Variants in ABTB2 observed in about 807,000 individuals in gnomAD.
ABTB2 encodes the protein ankyrin repeat and BTB/POZ domain-containing protein 2.
ABTB2 carries 56 observed loss-of-function variants against 104.1 expected under a neutral mutation model. The ratio of observed to expected loss-of-function variants is 0.54; its 90% CI spans 0.43 to 0.67. ABTB2 has a LOEUF of 0.67. Ranked by LOEUF, ABTB2 falls within the 30% of genes least tolerant of loss-of-function variation. The pLI is 0.00. For synonymous variants in ABTB2, 606 were observed against 608.2 expected, an observed-to-expected ratio of 1.00 and a Z score of 0.05; for missense variants, 1,279 against 1,407.7, an observed-to-expected ratio of 0.91 and a Z score of 1.46.
In ABTB2 at chr11:34,285,043, T is replaced by C. The variant is rs372063532; in HGVS notation, c.883+71658A>G. ...GTGCTGGAGATCTGGTCACGGTCAG[T>C]TGGACAATCTGATAAAGCCTTCCTG... is the stretch of plus-strand genomic sequence containing the variant. On this transcript the variant is annotated intron_variant, in intron 1 of 16. Coordinates refer to ENST00000435224, the MANE Select transcript of ABTB2 (RefSeq NM_145804.3). Among the ~76,000 whole-genome samples, 17 of 152,310 alleles carry C rather than the reference T, an allele frequency of 1.1e-4. No homozygotes were observed. In the South Asian group the frequency reaches 3.1e-3, roughly 28 times the overall value.
chr11:34,163,406 GCTCCCCCGTGCTGCTGCTT>G (rs1008656372), intron 9 of ABTB2, among the ~76,000 whole-genome samples: 15 of 152,210 alleles, frequency 9.9e-5, no homozygotes, highest in Non-Finnish European at 1.5e-4. Flanking sequence ...CACAGAGGAC[GCTCCCCCGTGCTGCTGCTT>G]TTAGCCTCGT....
At chr11:34,284,172 C>T (rs544891599) in intron 1 of ABTB2, among the ~76,000 whole-genome samples, 1 of 152,332 alleles carries the variant, frequency 6.6e-6, no homozygotes, top group African/African-American at 2.4e-5. Flanking sequence ...ATCCATGTCT[C>T]AGATAGAAGA....
chr11:34,292,209 C>T (rs1422770142), intron 1 of ABTB2, among the ~76,000 whole-genome samples: 2 of 152,122 alleles, frequency 1.3e-5, no homozygotes, highest in African/African-American at 4.8e-5. Context: ...CTGCTCCCTC[C>T]CCAGTAATGA....
At chr11:34,321,373 GA>G (rs955779986) in intron 1 of ABTB2, among the ~76,000 whole-genome samples, 1 of 152,078 alleles carries the variant, frequency 6.6e-6, no homozygotes, top group Non-Finnish European at 1.5e-5. Context: ...CAACCAATTG[GA>G]AAAAATAAAA....
chr11:34,182,914 GC>G (rs991652192), intron 3 of ABTB2, among the ~76,000 whole-genome samples: 1 of 152,076 alleles, frequency 6.6e-6, no homozygotes, highest in African/African-American at 2.4e-5. Context: ...GAGGTCACTT[GC>G]CCTATGTCAT....
Position 34,159,282 on chromosome 11 carries a change from C to G in ABTB2, c.2697+14G>C. 1.9e-6 allele frequency: 3 copies of G among 1,608,464 alleles called. No individual in the cohort carries two copies. In the South Asian group the frequency reaches 3.3e-5, roughly 18 times the overall value. On this transcript the variant is annotated intron_variant, in intron 14 of 16. Transcript: ENST00000435224. ...CATCCCTCTGAGAAGAGGGCGGCACCAAGACCCACACACCTGAAAAATGTG... is the reference window on the plus strand; with the variant it reads ...CATCCCTCTGAGAAGAGGGCGGCACGAAGACCCACACACCTGAAAAATGTG...
chr11:34,162,904 T>A, intron 9 of ABTB2, 99 bp from the exon 10 acceptor site: 1 of 1,211,576 alleles, frequency 8.3e-7, no homozygotes, highest in Non-Finnish European at 1.1e-6. Flanking sequence ...CGGGCTGCTC[T>A]GGGGTACCCG....
chr11:34,321,298 T>C (rs1262652521), intron 1 of ABTB2, among the ~76,000 whole-genome samples: 1 of 152,222 alleles, frequency 6.6e-6, no homozygotes. Context: ...TAAATGTTTA[T>C]AGACAACTCA....
chr11:34,306,578 G>T (rs1423479129), intron 1 of ABTB2, among the ~76,000 whole-genome samples: 1 of 151,994 alleles, frequency 6.6e-6, no homozygotes, highest in Non-Finnish European at 1.5e-5. Context: ...GACATTCCAA[G>T]CTGGATGTGG....
intron 3 of ABTB2, among the ~76,000 whole-genome samples, chr11:34,192,017 G>A (rs1190078298): frequency 6.6e-6 from 1 of 152,230 alleles, no homozygotes; most frequent in East Asian, 1.9e-4. Flanking sequence ...GTGAGCAGGT[G>A]CAGTGGCTCA....
chr11:34,290,951 C>T (rs1475372764), intron 1 of ABTB2, among the ~76,000 whole-genome samples: 1 of 152,198 alleles, frequency 6.6e-6, no homozygotes, highest in Admixed American at 6.5e-5. Context: ...TTCTGAGACA[C>T]AAGAGACTAA....
rs575620941 is a variant in ABTB2 at position 34,268,323 on chromosome 11, C to T, written c.884-63633G>A. The stretch of plus-strand genomic sequence containing the variant: ...CAGTAGAAAAATAACTACCTCAGAG[C>T]TCCTGGAATGAGGAACACGAAGCAG... On this transcript the variant is annotated intron_variant, in intron 1 of 16. Transcript: ENST00000435224. Among the ~76,000 whole-genome samples, 141 of 152,282 alleles carry T rather than the reference C, an allele frequency of 9.3e-4. 1 individual carries two copies. Among genetic ancestry groups the T allele is most frequent in the African/African-American group, 3.3e-3 (137 of 41,560 alleles).
chr11:34,164,866 C>T (rs773503515), intron 8 of ABTB2, 45 bp from the exon 9 acceptor site: 39 of 1,565,104 alleles, frequency 2.5e-5, no homozygotes, highest in Non-Finnish European at 3.2e-5. Flanking sequence ...AGACAGTAGC[C>T]GCCAGGGCAG....
rs114270950 is a variant in ABTB2, at chr11:34,332,229, C to T, written c.883+24472G>A. Among the ~76,000 whole-genome samples the T allele has an allele frequency of 5.6e-3, 853 of 152,000 alleles. 10 individuals carry two copies. Among genetic ancestry groups the T allele is most frequent in the African/African-American group, 0.019 (799 of 41,378 alleles). On this transcript the variant is annotated intron_variant, in intron 1 of 16. Transcript: ENST00000435224. ...TAAATGCATGTGATGTGGCTGTAGG[C>T]AGACCTAGCTCTAGATCACATCACA... is the stretch of plus-strand genomic sequence containing the variant.
intron 1 of ABTB2, among the ~76,000 whole-genome samples, chr11:34,205,346 C>G (rs761008394): frequency 1.6e-4 from 24 of 152,248 alleles, no homozygotes; most frequent in Non-Finnish European, 1.5e-5. Flanking sequence ...ATTAACACTT[C>G]AACAGCAGTG....
chr11:34,249,372 T>A (rs961288645), intron 1 of ABTB2, among the ~76,000 whole-genome samples: 2 of 152,136 alleles, frequency 1.3e-5, no homozygotes, highest in Non-Finnish European at 2.9e-5. Context: ...AATAATAGCT[T>A]CACATAAAAA....
intron 1 of ABTB2, among the ~76,000 whole-genome samples, chr11:34,293,349 C>T (rs1854584739): frequency 6.6e-6 from 1 of 152,032 alleles, no homozygotes; most frequent in Non-Finnish European, 1.5e-5. Flanking sequence ...TGGCTGAGGG[C>T]AGCGTCCTGG....
intron 1 of ABTB2, among the ~76,000 whole-genome samples, chr11:34,290,700 C>CAAAG (rs527372410): frequency 2.0e-5 from 3 of 151,774 alleles, no homozygotes; most frequent in South Asian, 4.1e-4. Flanking sequence ...AAAAGAAAAA[C>CAAAG]AAAGAAAGAA....
intron 1 of ABTB2, among the ~76,000 whole-genome samples, chr11:34,340,583 G>C (rs751161196): frequency 2.6e-5 from 4 of 152,120 alleles, no homozygotes; most frequent in Non-Finnish European, 5.9e-5. Flanking sequence ...GGACTCTTTT[G>C]GTCCTACTCT....
Sources: allele counts gnomAD v4.1 joint callset (sites outside exome capture counted in the v4.1 genomes callset), GRCh38; gene constraint gnomAD v4.1.1; transcripts MANE v1.5; gene names NCBI Gene and HGNC (gene_info 2026-07-23, HGNC 2026-07-21).